Variants in LRRC49 observed in about 807,000 individuals in gnomAD.
LRRC49 encodes the protein leucine rich repeat containing 49.
In LRRC49, 50 loss-of-function variants were observed where a neutral mutation model predicts 83.3. That is an observed-to-expected ratio of 0.60 (90% CI 0.48 to 0.76). The LOEUF is 0.76. Among genes scored for constraint, LRRC49 ranks in the 30% least tolerant of loss-of-function variants. The pLI is 0.00. For missense variants in LRRC49, 704 were observed against 809.1 expected (o/e 0.87, Z 1.58); for synonymous variants, 286 against 283.3 (o/e 1.01, Z -0.10).
intron 4 of LRRC49, among the ~76,000 whole-genome samples, chr15:70,903,150 A>G (rs907249528): frequency 6.6e-6 from 1 of 152,166 alleles, no homozygotes; most frequent in African/African-American, 2.4e-5. Context: ...AAAAAGACTG[A>G]AGCAGGAAAA....
At chr15:71,002,994 A>G (rs993166466) in intron 11 of LRRC49, among the ~76,000 whole-genome samples, 4 of 120,294 alleles carry the variant, frequency 3.3e-5, no homozygotes, top group Non-Finnish European at 4.8e-5. Flanking sequence ...CTGGAGCGCA[A>G]TGGTGCAATC....
At chr15:71,047,996 G>A (rs533859980) in intron 15 of LRRC49, among the ~76,000 whole-genome samples, 10 of 151,430 alleles carry the variant, frequency 6.6e-5, no homozygotes, top group South Asian at 4.2e-4. Flanking sequence ...GGCTAGTCTC[G>A]AACTCCTGAC....
At chr15:70,854,016 C>A in intron 1 of LRRC49, 1 of 1,457,704 alleles carries the variant, frequency 6.9e-7, no homozygotes, top group Non-Finnish European at 9.1e-7. Flanking sequence ...ACGTCCTCGG[C>A]CTCCTGGATG....
chr15:70,871,538 G>C (rs550965900), intron 1 of LRRC49, among the ~76,000 whole-genome samples: 20 of 151,442 alleles, frequency 1.3e-4, no homozygotes, highest in African/African-American at 4.8e-4. Flanking sequence ...CCGGGCAGAG[G>C]CGCCCCCCAC....
Position 70,980,485 on chromosome 15 carries a change from G to A in LRRC49, c.1005+301G>A, listed in dbSNP as rs557686812. ...TTATTTCATACCAGTGCATCATCTTGTGTATCCCATGGCCTATTCACTTCC... is the reference window on the plus strand; with the variant it reads ...TTATTTCATACCAGTGCATCATCTTATGTATCCCATGGCCTATTCACTTCC... On this transcript the variant is annotated intron_variant, in intron 10 of 15. Coordinates refer to ENST00000260382, the MANE Select transcript of LRRC49 (RefSeq NM_017691.5). Among the ~76,000 whole-genome samples the A allele has an allele frequency of 4.0e-5, 6 of 151,290 alleles. No individual in the cohort carries two copies. In the East Asian group the frequency reaches 9.7e-4, roughly 24 times the overall value.
Position 70,993,313 on chromosome 15 carries a change from T to C in LRRC49, c.1169+9056T>C, listed in dbSNP as rs144110960. 4.2e-3 allele frequency among the ~76,000 whole-genome samples: 634 copies of C among 152,360 alleles called. 7 individuals carry two copies. The highest frequency in any genetic ancestry group is 0.015 in the African/African-American group (624 of 41,600). Reference sequence around the variant, plus strand: ...CCCTTGGCTAGGAAAGGGAATTCCCTGACCCTTTGCCCTTCCCAGGTGAGG... The same window carrying C: ...CCCTTGGCTAGGAAAGGGAATTCCCCGACCCTTTGCCCTTCCCAGGTGAGG... On this transcript the variant is annotated intron_variant, in intron 11 of 15. Coordinates refer to ENST00000260382, the MANE Select transcript of LRRC49 (RefSeq NM_017691.5).
At chr15:70,959,575 AAG>A (rs2036531147) in intron 8 of LRRC49, among the ~76,000 whole-genome samples, 1 of 142,492 alleles carries the variant, frequency 7.0e-6, no homozygotes, top group African/African-American at 2.5e-5. Context: ...GGAAGGAAGG[AAG>A]GAAGGAAGGA....
upstream of LRRC49, among the ~76,000 whole-genome samples, chr15:70,889,168 A>G (rs1407505132): frequency 6.6e-6 from 1 of 152,222 alleles, no homozygotes; most frequent in Non-Finnish European, 1.5e-5. Context: ...TGATAGCCCC[A>G]ATGGGTAAAA....
chr15:71,032,460 CA>C (rs2039388727), intron 14 of LRRC49, among the ~76,000 whole-genome samples: 1 of 151,892 alleles, frequency 6.6e-6, no homozygotes, highest in African/African-American at 2.4e-5. Context: ...CTATTTCTTC[CA>C]AAACTATTCC....
At chr15:71,016,459 C>T (rs1487808119) in intron 14 of LRRC49, among the ~76,000 whole-genome samples, 1 of 151,528 alleles carries the variant, frequency 6.6e-6, no homozygotes, top group Non-Finnish European at 1.5e-5. Context: ...CTTCAGGAAC[C>T]TAGAGAAATA....
At chr15:70,886,220 GA>G (rs2033404165) in intron 2 of LRRC49, among the ~76,000 whole-genome samples, 1 of 152,112 alleles carries the variant, frequency 6.6e-6, no homozygotes, top group African/African-American at 2.4e-5. Flanking sequence ...ATTAGGATAG[GA>G]AAATTAATTG....
chr15:70,943,737 A>G (rs1329000343), intron 8 of LRRC49, among the ~76,000 whole-genome samples: 1 of 152,220 alleles, frequency 6.6e-6, no homozygotes, highest in Non-Finnish European at 1.5e-5. Context: ...GCCCAACTCC[A>G]GTGTGAAGCC....
chr15:71,043,580 C>G (rs1346979942), intron 15 of LRRC49, among the ~76,000 whole-genome samples: 2 of 152,148 alleles, frequency 1.3e-5, no homozygotes, highest in African/African-American at 4.8e-5. Context: ...GTGAGTCATC[C>G]TGGCAGACAC....
intron 11 of LRRC49, among the ~76,000 whole-genome samples, chr15:70,992,827 G>T (rs1372041505): frequency 6.6e-6 from 1 of 152,186 alleles, no homozygotes; most frequent in Non-Finnish European, 1.5e-5. Flanking sequence ...CTACTCGGGG[G>T]TCAGGGACCC....
At chr15:70,874,234 C>T (rs765418110) in intron 2 of LRRC49, among the ~76,000 whole-genome samples, 5 of 152,110 alleles carry the variant, frequency 3.3e-5, no homozygotes, top group African/African-American at 1.2e-4. Flanking sequence ...GGGATGAGCT[C>T]CCTGGAATAT....
chr15:70,860,713 G>A (rs1268543486), intron 1 of LRRC49, among the ~76,000 whole-genome samples: 1 of 152,146 alleles, frequency 6.6e-6, no homozygotes, highest in Non-Finnish European at 1.5e-5. Flanking sequence ...ACTTCAATAT[G>A]AATTAAGATA....
intron 1 of LRRC49, among the ~76,000 whole-genome samples, chr15:70,857,820 C>T (rs1275979431): frequency 2.6e-5 from 4 of 152,222 alleles, no homozygotes; most frequent in Non-Finnish European, 5.9e-5. Context: ...AATGGAAACA[C>T]GCTCACTTTA....
At chr15:70,974,371 A>G (rs942461669) in intron 9 of LRRC49, among the ~76,000 whole-genome samples, 1 of 152,222 alleles carries the variant, frequency 6.6e-6, no homozygotes, top group Non-Finnish European at 1.5e-5. Flanking sequence ...ATGGTTATGT[A>G]GATTTTTGAT....
intron 15 of LRRC49, among the ~76,000 whole-genome samples, chr15:71,047,189 A>G (rs1384583056): frequency 3.3e-5 from 5 of 152,110 alleles, no homozygotes; most frequent in Admixed American, 6.6e-5. Flanking sequence ...TTGGTTCCAT[A>G]TGAATTTTAG....
Sources: gnomAD v4.1 joint callset for allele counts (sites outside exome capture counted in the v4.1 genomes callset) on GRCh38, gnomAD v4.1.1 for gene constraint, MANE v1.5 for transcripts, NCBI Gene and HGNC (gene_info 2026-07-23, HGNC 2026-07-21) for gene names.